The following PHF20 variants were observed in gnomAD, a reference collection of about 807,000 sequenced individuals.
PHF20 encodes the protein PHD finger protein 20, also known as glioma-expressed antigen 2.
A neutral mutation model predicts 113.5 loss-of-function variants in PHF20; 23 were observed. The ratio of observed to expected loss-of-function variants is 0.20; its 90% confidence interval spans 0.15 to 0.29. The LOEUF is 0.29. PHF20 is among the 10% of genes least tolerant of loss of function. The pLI, the probability that PHF20 is intolerant of heterozygous loss-of-function variation, is 1.00. For synonymous variants in PHF20, 434 were observed against 457.3 expected (o/e 0.95, Z 0.65); for missense variants, 943 against 1,219.6 (o/e 0.77, Z 3.38).
At chr20:35,927,932 C>T in intron 14 of PHF20, 53 bp downstream of exon 14, 2 of 1,260,712 alleles carry the variant, frequency 1.6e-6, no homozygotes, top group South Asian at 1.2e-5. Context: ...TTCCTTGGCA[C>T]AGCTGGCTGT....
chr20:35,928,008 C>T, intron 14 of PHF20, 129 bp downstream of exon 14: 2 of 702,416 alleles, frequency 2.8e-6, no homozygotes, highest in South Asian at 1.6e-5. Flanking sequence ...TCCAGCTCCT[C>T]CTCGCCTCTG....
At chr20:35,937,399 T>G (rs1600967930) in intron 15 of PHF20, among the ~76,000 whole-genome samples, 1 of 145,472 alleles carries the variant, frequency 6.9e-6, no homozygotes. Flanking sequence ...ACCTGGGAGG[T>G]GGAGGTTGTG....
chr20:35,923,077 T>C (rs564807017), intron 13 of PHF20, among the ~76,000 whole-genome samples: 4 of 152,042 alleles, frequency 2.6e-5, no homozygotes, highest in Non-Finnish European at 5.9e-5. Context: ...ATTGTACCAC[T>C]GCACTACAAC....
intron 4 of PHF20, among the ~76,000 whole-genome samples, chr20:35,848,559 T>C (rs1400125498): frequency 6.6e-6 from 1 of 152,070 alleles, no homozygotes; most frequent in African/African-American, 2.4e-5. Flanking sequence ...CCGCAACTTT[T>C]TAGAAAAGTA....
intron 9 of PHF20, among the ~76,000 whole-genome samples, chr20:35,881,930 C>G (rs905804739): frequency 6.6e-6 from 1 of 152,226 alleles, no homozygotes; most frequent in African/African-American, 2.4e-5. Context: ...GCCACATGGC[C>G]TCCTTGCTAT....
In PHF20 at chr20:35,938,857, C is replaced by CCCCTGG. The variant is rs2147127367; in HGVS notation, c.2467_2472dup (p.Ala823_Leu824dup). 8.7e-6 allele frequency: 14 copies of CCCCTGG among 1,614,180 alleles called. No homozygotes were observed. Among genetic ancestry groups the CCCCTGG allele is most frequent in the Non-Finnish European group, 1.2e-5 (14 of 1,180,008 alleles). On this transcript the variant is annotated inframe_insertion, in exon 16 of 18. Coordinates refer to ENST00000374012, the MANE Select transcript of PHF20 (RefSeq NM_016436.5). ...GAACGGGGCAGTGGAGAAGCCCAGG[C>CCCCTGG]CCCTGGCCCTGCCCCTGCCGCGTTC...
At chr20:35,781,051 C>G (rs1297677013) in intron 1 of PHF20, among the ~76,000 whole-genome samples, 1 of 151,648 alleles carries the variant, frequency 6.6e-6, no homozygotes, top group Non-Finnish European at 1.5e-5. Flanking sequence ...TGGAGTTTTA[C>G]CATGTTGGTC....
At chr20:35,882,657 G>A (rs2054656165) in intron 9 of PHF20, among the ~76,000 whole-genome samples, 1 of 152,196 alleles carries the variant, frequency 6.6e-6, no homozygotes, top group African/African-American at 2.4e-5. Flanking sequence ...TGAACTCTGG[G>A]CCTCCGCCTT....
At chr20:35,907,582 T>C (rs2055222966) in intron 10 of PHF20, among the ~76,000 whole-genome samples, 1 of 152,234 alleles carries the variant, frequency 6.6e-6, no homozygotes, top group South Asian at 2.1e-4. Context: ...GAGTACTTCA[T>C]GTGCTGGGCG....
chr20:35,793,870 C>G (rs986837961), intron 1 of PHF20, among the ~76,000 whole-genome samples: 5 of 148,548 alleles, frequency 3.4e-5, no homozygotes, highest in African/African-American at 1.2e-4. Flanking sequence ...TGGTGGTGCA[C>G]GCCTGTAATC....
In PHF20 at chr20:35,863,305, A is replaced by G; in HGVS notation, c.713A>G (p.Asp238Gly). The change falls in exon 6 of 18, where the codon GAT becomes GGT. Residue 238 changes from aspartate to glycine, a missense_variant. This residue lies in a region of PHF20 where 592 missense variants were observed against 787.2 expected (regional missense o/e 0.75). Transcript: ENST00000374012. ...DREYSGDAQV[D>G]KKPENDIVKS... ...GAGTATTCTGGAGATGCCCAAGTGG[A>G]TAAGAAACCTGAAAATGACATTGTG... The G allele has an allele frequency of 1.9e-6, 3 of 1,614,158 alleles. No individual in the cohort carries two copies. The highest frequency in any genetic ancestry group is 2.5e-6 in the Non-Finnish European group (3 of 1,180,026).
At chr20:35,874,873 G>C (rs1370204587) in intron 9 of PHF20, among the ~76,000 whole-genome samples, 1 of 151,836 alleles carries the variant, frequency 6.6e-6, no homozygotes. Flanking sequence ...GTCACTTGAG[G>C]CCAGGAGTTC....
chr20:35,946,383 G>A (rs2056083551), intron 17 of PHF20, among the ~76,000 whole-genome samples: 1 of 152,120 alleles, frequency 6.6e-6, no homozygotes, highest in African/African-American at 2.4e-5. Context: ...ACAGTGAGCT[G>A]AGATGGCGCC....
At chr20:35,816,048 C>T (rs2042067497) in intron 2 of PHF20, among the ~76,000 whole-genome samples, 1 of 152,100 alleles carries the variant, frequency 6.6e-6, no homozygotes, top group Non-Finnish European at 1.5e-5. Context: ...CCTCCATCTC[C>T]GGGGTTCAAG....
intron 1 of PHF20, among the ~76,000 whole-genome samples, chr20:35,792,379 G>C (rs1303348467): frequency 1.3e-5 from 2 of 151,908 alleles, no homozygotes; most frequent in Non-Finnish European, 2.9e-5. Flanking sequence ...AGTAGAGACG[G>C]GGTTTCACCA....
chr20:35,929,160 A>C (rs1163824153), intron 14 of PHF20, among the ~76,000 whole-genome samples: 1 of 152,212 alleles, frequency 6.6e-6, no homozygotes, highest in African/African-American at 2.4e-5. Context: ...AGTTTTGCTT[A>C]TGAGGAAGAA....
At chr20:35,831,461 G>A (rs1341964133) in intron 2 of PHF20, among the ~76,000 whole-genome samples, 2 of 152,072 alleles carry the variant, frequency 1.3e-5, no homozygotes, top group Non-Finnish European at 2.9e-5. Context: ...CATTGTGCTG[G>A]GCTGATTAAA....
Position 35,950,060 on chromosome 20 carries a change from A to G in PHF20, c.*2433A>G, listed in dbSNP as rs1413682952. ...AACTGCAAGACTCCATCTCAAAAAAATAAAAATAAAAGAAAAGAAAGAAAT... is the reference window on the plus strand; with the variant it reads ...AACTGCAAGACTCCATCTCAAAAAAGTAAAAATAAAAGAAAAGAAAGAAAT... On this transcript the variant is annotated 3_prime_UTR_variant, in exon 18 of 18. Transcript: ENST00000374012. 1 of 152,680 alleles carries G rather than the reference A, an allele frequency of 6.5e-6. No homozygotes were observed. Among genetic ancestry groups the G allele is most frequent in the Non-Finnish European group, 1.5e-5 (1 of 68,060 alleles). The allele number at this position is 152,680 out of a possible 1,614,324, so 9.5% of individuals were successfully genotyped here.
At chr20:35,795,326 C>T (rs1358468180) in intron 1 of PHF20, among the ~76,000 whole-genome samples, 1 of 151,928 alleles carries the variant, frequency 6.6e-6, no homozygotes, top group Non-Finnish European at 1.5e-5. Flanking sequence ...ACCTTCATCC[C>T]CTGGTTCAAG....
Sources: allele counts gnomAD v4.1 joint callset (sites outside exome capture counted in the v4.1 genomes callset), GRCh38; gene constraint gnomAD v4.1.1; regional missense constraint gnomAD v4.1.1; transcripts MANE v1.5; gene names NCBI Gene and HGNC (gene_info 2026-07-23, HGNC 2026-07-21).